FAM219A: variants seen among roughly 807,000 people sequenced by gnomAD.
FAM219A encodes the protein family with sequence similarity 219 member A, also known as protein FAM219A.
In FAM219A, 7 loss-of-function variants were observed where a neutral mutation model predicts 23.4. The observed-to-expected ratio is 0.30, with a 90% CI of 0.17 to 0.56. FAM219A has a LOEUF of 0.56. FAM219A is among the 20% of genes least tolerant of loss of function. FAM219A has a pLI of 0.92. For synonymous variants in FAM219A, 93 were observed against 99.0 expected (o/e 0.94, Z 0.36); for missense variants, 166 against 246.9 (o/e 0.67, Z 2.20).
At chr9:34,444,287 G>A (rs1823290998) in intron 1 of FAM219A, among the ~76,000 whole-genome samples, 1 of 152,168 alleles carries the variant, frequency 6.6e-6, no homozygotes, top group Non-Finnish European at 1.5e-5. Context: ...ATACATTTGG[G>A]TTTTGTGGTA....
chr9:34,405,842 CCTCACCCCCCAGACACA>C lies in FAM219A; in HGVS notation c.160+6_160+22del. ...GTATCTTGCCTACTCCCCACATCTC[CCTCACCCCCCAGACACA>C]CTCACCCAGCTTCACTTGGAGCGGG... On this transcript the variant is annotated splice_donor_region_variant and intron_variant, in intron 2 of 5. Coordinates refer to ENST00000651358, the MANE Select transcript of FAM219A (RefSeq NM_001184940.2). The C allele has an allele frequency of 6.2e-7, 1 of 1,611,706 alleles. No individual in the cohort carries two copies. Among genetic ancestry groups the C allele is most frequent in the Non-Finnish European group, 8.5e-7 (1 of 1,178,336 alleles).
rs1563993290 is a variant in FAM219A, at chr9:34,398,343, G to A, written c.*2621C>T. On this transcript the variant is annotated 3_prime_UTR_variant, in exon 6 of 6. Transcript: ENST00000651358. Reference sequence around the variant, plus strand: ...TAAATTAGTGAGCACGGAGAAACCTGGCTGGGTGGCAGCCACAGCTGAGAG... The same window carrying A: ...TAAATTAGTGAGCACGGAGAAACCTAGCTGGGTGGCAGCCACAGCTGAGAG... 1 of 1,550,750 alleles carries A rather than the reference G, an allele frequency of 6.4e-7. No homozygotes were observed. Among genetic ancestry groups the A allele is most frequent in the Admixed American group, 2.0e-5 (1 of 51,006 alleles).
chr9:34,452,766 G>A (rs1053221501), intron 1 of FAM219A, among the ~76,000 whole-genome samples: 8 of 152,038 alleles, frequency 5.3e-5, no homozygotes, highest in Admixed American at 5.2e-4. Context: ...TTGTCAGTTT[G>A]CCAAGCTTCT....
rs1424907782 is a variant in FAM219A at position 34,402,436 on chromosome 9, G to C, written c.295C>G (p.Leu99Val). 1 of 1,614,122 alleles carries C rather than the reference G, an allele frequency of 6.2e-7. No individual in the cohort carries two copies. The highest frequency in any genetic ancestry group is 1.3e-5 in the African/African-American group (1 of 74,942). The change falls in exon 4 of 6, where the codon CTT becomes GTT. Residue 99 changes from leucine (L) to valine (V), a missense_variant. Coordinates refer to ENST00000651358, the MANE Select transcript of FAM219A (RefSeq NM_001184940.2). ...LVVPNKGYSS[L>V]DQSPDEKPLV... ...GGCTTCTCATCAGGGCTCTGGTCAAGTGAGGAGTAGCCTTTATTGGGGACG... is the reference window on the plus strand; with the variant it reads ...GGCTTCTCATCAGGGCTCTGGTCAACTGAGGAGTAGCCTTTATTGGGGACG...
At chr9:34,443,801 T>A (rs1344322002) in intron 1 of FAM219A, among the ~76,000 whole-genome samples, 1 of 151,946 alleles carries the variant, frequency 6.6e-6, no homozygotes, top group African/African-American at 2.4e-5. Context: ...CAATTCCTCC[T>A]GTGGGAGCTT....
chr9:34,401,766 T>G, intron 4 of FAM219A, 46 bp from the exon 5 acceptor site: 1 of 1,583,560 alleles, frequency 6.3e-7, no homozygotes, highest in East Asian at 2.3e-5. Context: ...AGAAATTACA[T>G]AGAAAACTCT....
intron 2 of FAM219A, 28 bp from the exon 3 acceptor site, chr9:34,402,835 T>C (rs776043722): frequency 5.0e-6 from 8 of 1,606,860 alleles, no homozygotes; most frequent in Non-Finnish European, 6.8e-6. Flanking sequence ...AAGGAAGCTG[T>C]GTCCTGCCCC....
chr9:34,447,314 T>C (rs2132013173), intron 1 of FAM219A, among the ~76,000 whole-genome samples: 1 of 152,344 alleles, frequency 6.6e-6, no homozygotes, highest in East Asian at 1.9e-4. Context: ...GGTATGGTTA[T>C]TAAATATGAT....
In FAM219A at chr9:34,446,284, G is replaced by C. The variant is rs530697317; in HGVS notation, c.60+11920C>G. ...TAGGGCCACAGGACAGGTAAATGGAGAGCTCACATCTCACTGAAGGATAGA... is the reference window on the plus strand; with the variant it reads ...TAGGGCCACAGGACAGGTAAATGGACAGCTCACATCTCACTGAAGGATAGA... On this transcript the variant is annotated intron_variant, in intron 1 of 5. Coordinates refer to ENST00000651358, the MANE Select transcript of FAM219A (RefSeq NM_001184940.2). Among the ~76,000 whole-genome samples, 27 of 152,214 alleles carry C rather than the reference G, an allele frequency of 1.8e-4. 1 individual carries two copies. The South Asian group carries it at 5.6e-3, about 32-fold the overall frequency.
chr9:34,416,833 A>C (rs62559875), intron 1 of FAM219A, among the ~76,000 whole-genome samples: 1 of 101,746 alleles, frequency 9.8e-6, no homozygotes, highest in Non-Finnish European at 2.0e-5. Context: ...TTTTTTTTAA[A>C]TAGAGGCAGG....
chr9:34,412,594 A>G, intron 1 of FAM219A, among the ~76,000 whole-genome samples: 1 of 100,448 alleles, frequency 1.0e-5, no homozygotes. Context: ...TCTCAGAATG[A>G]GCGGAGTGAA....
chr9:34,404,578 C>G lies in FAM219A; in HGVS notation c.160+1287G>C, dbSNP rs369514939. On this transcript the variant is annotated intron_variant, in intron 2 of 5. Transcript: ENST00000651358. The stretch of plus-strand genomic sequence containing the variant: ...CAAAAATTAGCTGGGCGTGGTGATG[C>G]GCGCCTATAATCCCAGCTACTTGAG... Among the ~76,000 whole-genome samples, 29 of 152,188 alleles carry G rather than the reference C, an allele frequency of 1.9e-4. No homozygotes were observed. The East Asian group carries it at 4.3e-3, about 22-fold the overall frequency.
intron 1 of FAM219A, among the ~76,000 whole-genome samples, chr9:34,431,141 T>C (rs1345368397): frequency 1.3e-5 from 2 of 152,238 alleles, no homozygotes; most frequent in Admixed American, 6.5e-5. Context: ...CAGCCTGGGC[T>C]TCATGCCAGC....
intron 1 of FAM219A, among the ~76,000 whole-genome samples, chr9:34,452,993 G>C (rs1219749604): frequency 6.6e-6 from 1 of 152,150 alleles, no homozygotes; most frequent in Non-Finnish European, 1.5e-5. Context: ...CAGAGAATAG[G>C]TTCTTACTTG....
chr9:34,410,900 G>C (rs868732613), intron 1 of FAM219A, among the ~76,000 whole-genome samples: 63 of 152,314 alleles, frequency 4.1e-4, no homozygotes, highest in Non-Finnish European at 1.5e-4. Flanking sequence ...TAGTTCAAGG[G>C]TTCTTGTGAG....
At chr9:34,441,185 A>C (rs1456186997) in intron 1 of FAM219A, among the ~76,000 whole-genome samples, 1 of 152,226 alleles carries the variant, frequency 6.6e-6, no homozygotes, top group African/African-American at 2.4e-5. Context: ...AGGCTGGGGC[A>C]GGAAGCTCAG....
At position 34,427,194 on chromosome 9, in the gene FAM219A, C is replaced by T. The variant is rs7038440; in HGVS notation, c.61-21230G>A. On this transcript the variant is annotated intron_variant, in intron 1 of 5. Coordinates refer to ENST00000651358, the MANE Select transcript of FAM219A (RefSeq NM_001184940.2). Reference sequence around the variant, plus strand: ...CACATCACCTCTTGTTTTTTTGAGACAGTGCCTTACTCAGTTGCCCAGGCT... The same window carrying T: ...CACATCACCTCTTGTTTTTTTGAGATAGTGCCTTACTCAGTTGCCCAGGCT... 3.2e-3 allele frequency among the ~76,000 whole-genome samples: 483 copies of T among 152,190 alleles called. 1 individual carries two copies. Among genetic ancestry groups the T allele is most frequent in the African/African-American group, 0.011 (452 of 41,546 alleles).
rs1822096934 is a variant in FAM219A, at chr9:34,417,970, T to C, written c.61-12006A>G. Among the ~76,000 whole-genome samples, 1 of 152,242 alleles carries C rather than the reference T, an allele frequency of 6.6e-6. No homozygotes were observed. The highest frequency in any genetic ancestry group is 1.5e-5 in the Non-Finnish European group (1 of 68,032). On this transcript the variant is annotated intron_variant, in intron 1 of 5. Transcript: ENST00000651358. This position sits in a 1 kb window ranked among gnomAD's most constrained non-coding sequence, Gnocchi z 4.1. The stretch of plus-strand genomic sequence containing the variant: ...TAGCCAGTCCTCACCTGTGCCAGCA[T>C]GTCAGCTGTAGGAACCGTGACGGTA...
At chr9:34,438,620 A>G (rs1358598523) in intron 1 of FAM219A, among the ~76,000 whole-genome samples, 1 of 152,042 alleles carries the variant, frequency 6.6e-6, no homozygotes, top group Non-Finnish European at 1.5e-5. Context: ...AAGGTTTATA[A>G]ACAAACCAAT....
Sources: allele counts gnomAD v4.1 joint callset (sites outside exome capture counted in the v4.1 genomes callset), GRCh38; gene constraint gnomAD v4.1.1; non-coding constraint Gnocchi (gnomAD v3.1); transcripts MANE v1.5; gene names NCBI Gene and HGNC (gene_info 2026-07-23, HGNC 2026-07-21).